Variants in CCN6 observed in about 807,000 individuals in gnomAD.
The protein encoded by CCN6 is cellular communication network factor 6, also known as CCN family member 6.
Under a neutral mutation model 37.4 loss-of-function variants are expected in CCN6, and 31 were observed. The ratio of observed to expected loss-of-function variants is 0.83; its 90% CI spans 0.62 to 1.12. The LOEUF (loss-of-function observed/expected upper bound fraction) is 1.12, where lower values mean the gene tolerates loss of function less well. CCN6 is among the 50% of genes most tolerant of loss of function. The pLI is 0.00. For missense variants in CCN6, 369 were observed against 413.8 expected (o/e 0.89, Z 0.94); for synonymous variants, 137 against 142.1 (o/e 0.96, Z 0.26).
At chr6:112,056,638 C>T (rs1296680273) in intron 1 of CCN6, among the ~76,000 whole-genome samples, 1 of 152,164 alleles carries the variant, frequency 6.6e-6, no homozygotes, top group Non-Finnish European at 1.5e-5. Context: ...GTCTCAGCCT[C>T]CTGAGTAGCT....
At chr6:112,069,256 T>C (rs1776800280) in intron 4 of CCN6, 83 bp from the exon 5 acceptor site, 3 of 1,475,592 alleles carry the variant, frequency 2.0e-6, no homozygotes, top group Non-Finnish European at 2.8e-6. Context: ...AATACTCAGA[T>C]TTGTACTATA....
Position 112,069,543 on chromosome 6 carries a change from C to T in CCN6, c.988C>T (p.Leu330=), listed in dbSNP as rs782688930. The change falls in exon 5 of 5, where the codon CTG becomes TTG. Residue 330 remains leucine (L), a synonymous_variant. Coordinates refer to ENST00000368666, the MANE Select transcript of CCN6 (RefSeq NM_198239.2). The part of the protein sequence containing the change: ...PNEGSFKWKM[L]WITSCVCQRN... ...TGAGGGGTCATTTAAATGGAAGATG[C>T]TGTGGATTACATCTTGTGTGTGTCA... 6.2e-7 allele frequency: 1 copy of T among 1,613,616 alleles called. No homozygotes were observed. Among genetic ancestry groups the T allele is most frequent in the South Asian group, 1.1e-5 (1 of 91,074 alleles).
intron 2 of CCN6, among the ~76,000 whole-genome samples, chr6:112,063,256 T>C (rs1350657010): frequency 2.6e-5 from 4 of 152,212 alleles, no homozygotes; most frequent in African/African-American, 9.6e-5. Flanking sequence ...TTTCAGATCA[T>C]TGTGTATATA....
chr6:112,068,121 T>G (rs1776753365), intron 3 of CCN6, 84 bp from the exon 4 acceptor site: 8 of 1,157,252 alleles, frequency 6.9e-6, no homozygotes, highest in Non-Finnish European at 9.6e-6. Flanking sequence ...TCAGATTTCT[T>G]AAACATTAAA....
rs587766098 is a variant in CCN6 at position 112,061,024 on chromosome 6, G to A, written c.82G>A (p.Asp28Asn). 1 of 1,614,154 alleles carries A rather than the reference G, an allele frequency of 6.2e-7. No individual in the cohort carries two copies. The highest frequency in any genetic ancestry group is 1.1e-5 in the South Asian group (1 of 91,074). ...CCRVQGTGPL[D>N]TTPEGRPGEV... ...CAGGGTACAGGGCACTGGACCATTA[G>A]ATACAACACCTGAAGGAAGGCCTGG... Residue 28 changes from aspartate (D) to asparagine (N), a missense_variant, in exon 2 of 5, where the codon GAT becomes AAT. Coordinates refer to ENST00000368666, the MANE Select transcript of CCN6 (RefSeq NM_198239.2).
chr6:112,057,702 T>C lies in CCN6; in HGVS notation c.49-3289T>C, dbSNP rs587637554. Among the ~76,000 whole-genome samples, 5 of 152,254 alleles carry C rather than the reference T, an allele frequency of 3.3e-5. No individual in the cohort carries two copies. The South Asian group carries it at 1.0e-3, about 32-fold the overall frequency. On this transcript the variant is annotated intron_variant, in intron 1 of 4. Transcript: ENST00000368666. ...GAAGTCCAGGCTGGAAATTTAGTTT[T>C]GAAACTTGCATAGGATGAAAACTGA...
At chr6:112,064,582 C>T (rs1457996383) in intron 2 of CCN6, among the ~76,000 whole-genome samples, 173 bp from the exon 3 acceptor site, 4 of 152,212 alleles carry the variant, frequency 2.6e-5, no homozygotes, top group Admixed American at 2.6e-4. Context: ...AAATGCCTCA[C>T]TTTAGAAACC....
Position 112,054,209 on chromosome 6 carries a change from A to C in CCN6, c.-149A>C, listed in dbSNP as rs1776276089. The C allele has an allele frequency of 9.5e-7, 1 of 1,052,862 alleles. No individual in the cohort carries two copies. Among genetic ancestry groups the C allele is most frequent in the Non-Finnish European group, 1.5e-6 (1 of 667,648 alleles). 65.2% of individuals were successfully genotyped at this position (1,052,862 alleles called of 1,614,324 possible). ...TCCTTAAAAATGAAAGTGCAGGCTGAAAGTTGGTAGTGTGGGAGGTAGAGG... is the reference window on the plus strand; with the variant it reads ...TCCTTAAAAATGAAAGTGCAGGCTGCAAGTTGGTAGTGTGGGAGGTAGAGG... On this transcript the variant is annotated 5_prime_UTR_variant, in exon 1 of 5. It removes the in-frame stop codon of an upstream open reading frame in the 5' UTR. Transcript: ENST00000368666.
At chr6:112,055,711 C>T (rs1023288990) in intron 1 of CCN6, among the ~76,000 whole-genome samples, 1 of 152,110 alleles carries the variant, frequency 6.6e-6, no homozygotes, top group Non-Finnish European at 1.5e-5. Flanking sequence ...GTGCCTCAGC[C>T]TCCCAAGTAG....
chr6:112,054,284 A>T lies in CCN6; in HGVS notation c.-74A>T. On this transcript the variant is annotated 5_prime_UTR_variant, in exon 1 of 5. Transcript: ENST00000368666. ...GTGGGGTTTGCAGAGGAGACAGGGG[A>T]GCTTTGTGTACCCGGAGCAATGAAC... The T allele has an allele frequency of 6.2e-7, 1 of 1,611,688 alleles. No individual in the cohort carries two copies. The highest frequency in any genetic ancestry group is 8.5e-7 in the Non-Finnish European group (1 of 1,178,118).
chr6:112,061,449 T>C (rs782098932), intron 2 of CCN6, 161 bp downstream of exon 2: 11 of 864,952 alleles, frequency 1.3e-5, no homozygotes, highest in Middle Eastern at 3.3e-4. Flanking sequence ...TTGGATACTA[T>C]GTGAAATTAG....
chr6:112,053,470 T>A (rs1776261504), upstream of CCN6, among the ~76,000 whole-genome samples: 1 of 151,060 alleles, frequency 6.6e-6, no homozygotes. Context: ...CTAATTTTTG[T>A]GTCTTTTTTT....
In CCN6 at chr6:112,054,632, C is replaced by T. The variant is rs781792323; in HGVS notation, c.48+227C>T. ...CATTTCTCCCTTTCAGGTAATGGCA[C>T]CGAAGCCTCCTTTCGCTATGTTTGA... On this transcript the variant is annotated intron_variant, in intron 1 of 4. Transcript: ENST00000368666. 1.6e-3 allele frequency: 857 copies of T among 544,084 alleles called. 1 individual carries two copies. Among genetic ancestry groups the T allele is most frequent in the Non-Finnish European group, 2.6e-3 (778 of 302,420 alleles). The allele number at this position is 544,084 out of a possible 1,614,324, so 33.7% of individuals were successfully genotyped here.
At chr6:112,053,202 CATG>C (rs1776255139), upstream of CCN6, among the ~76,000 whole-genome samples, 1 of 152,096 alleles carries the variant, frequency 6.6e-6, no homozygotes, top group African/African-American at 2.4e-5. Context: ...GAAGGTCCCA[CATG>C]ATGACACAGG....
At chr6:112,067,014 A>T in intron 3 of CCN6, 1 of 1,366,236 alleles carries the variant, frequency 7.3e-7, no homozygotes, top group Non-Finnish European at 9.8e-7. Context: ...AGGTCTTTAA[A>T]CTGTTGTCTA....
chr6:112,055,993 G>T (rs1291498431), intron 1 of CCN6, among the ~76,000 whole-genome samples: 2 of 152,190 alleles, frequency 1.3e-5, no homozygotes, highest in Non-Finnish European at 2.9e-5. Flanking sequence ...AGTTCTGTAA[G>T]ATCACAGAGC....
intron 3 of CCN6, 120 bp downstream of exon 3, chr6:112,065,117 TTGAG>T (rs1776641695): frequency 6.8e-7 from 1 of 1,467,408 alleles, no homozygotes; most frequent in African/African-American, 1.4e-5. Context: ...GAGATATAGT[TTGAG>T]TGTATCATTT....
chr6:112,068,525 TA>T, intron 4 of CCN6, 127 bp downstream of exon 4: 1 of 901,122 alleles, frequency 1.1e-6, no homozygotes. Context: ...TTATAATGCT[TA>T]AAGTCAAACT....
At position 112,064,895 on chromosome 6, in the gene CCN6, A is replaced by G. The variant is rs1484402539; in HGVS notation, c.487A>G (p.Ser163Gly). The G allele has an allele frequency of 2.5e-6, 4 of 1,614,024 alleles. No homozygotes were observed. Among genetic ancestry groups the G allele is most frequent in the Non-Finnish European group, 3.4e-6 (4 of 1,179,978 alleles). ...TPLFIPKLAG[S>G]HCSGAKGGKK... ...TCTGTTCATACCAAAGCTGGCTGGCAGTCACTGCTCTGGAGCTAAAGGTGG... is the reference window on the plus strand; with the variant it reads ...TCTGTTCATACCAAAGCTGGCTGGCGGTCACTGCTCTGGAGCTAAAGGTGG... Residue 163 changes from serine (S) to glycine (G), a missense_variant, in exon 3 of 5, where the codon AGT becomes GGT. Ser to Gly is a moderately conservative substitution (Grantham distance 56). Coordinates refer to ENST00000368666, the MANE Select transcript of CCN6 (RefSeq NM_198239.2).
Sources: gnomAD v4.1 joint callset for allele counts (sites outside exome capture counted in the v4.1 genomes callset) on GRCh38, gnomAD v4.1.1 for gene constraint, MANE v1.5 for transcripts, NCBI Gene and HGNC (gene_info 2026-07-23, HGNC 2026-07-21) for gene names.